Variants in AP1G1 observed in about 807,000 individuals in gnomAD.
The protein encoded by AP1G1 is adaptor related protein complex 1 subunit gamma 1, also known as AP-1 complex subunit gamma-1.
In AP1G1, 7 loss-of-function variants were observed where a neutral mutation model predicts 108.3. That is an observed-to-expected ratio of 0.06 (90% CI 0.04 to 0.12). The LOEUF (loss-of-function observed/expected upper bound fraction) is 0.12, where lower values mean the gene tolerates loss of function less well. Ranked by LOEUF, AP1G1 falls within the 10% of genes least tolerant of loss-of-function variation. The pLI is 1.00. For synonymous variants in AP1G1, 379 were observed against 353.5 expected (o/e 1.07, Z -0.81); for missense variants, 756 against 1,010.7 (o/e 0.75, Z 3.42).
intron 5 of AP1G1, 64 bp from the exon 6 acceptor site, chr16:71,769,763 C>G: frequency 7.4e-7 from 1 of 1,347,276 alleles, no homozygotes; most frequent in South Asian, 1.2e-5. Context: ...TAGAACAGGA[C>G]TTTGAGTTCC....
In AP1G1 at chr16:71,799,928, A is replaced by AAT. The variant is rs1567665357; in HGVS notation, c.-4+8834_-4+8835insAT. Among the ~76,000 whole-genome samples, 129 of 145,968 alleles carry AAT rather than the reference A, an allele frequency of 8.8e-4. 2 individuals carry two copies. Among genetic ancestry groups the AAT allele is most frequent in the South Asian group, 3.7e-3 (17 of 4,606 alleles). ...ATAATAATAATAATAATAATAATAA[A>AAT]AAATTATATTGGCTGGGTGCGGTGG... On this transcript the variant is annotated intron_variant, in intron 1 of 22. Coordinates refer to ENST00000299980, the MANE Select transcript of AP1G1 (RefSeq NM_001128.6).
At chr16:71,767,799 A>G (rs914093335) in intron 6 of AP1G1, 4 of 1,388,732 alleles carry the variant, frequency 2.9e-6, no homozygotes, top group Admixed American at 1.7e-5. Context: ...TTTAAAAGCC[A>G]CATTTGTGGA....
intron 1 of AP1G1, among the ~76,000 whole-genome samples, chr16:71,793,103 G>T (rs1190367831): frequency 6.6e-6 from 1 of 151,406 alleles, no homozygotes; most frequent in Admixed American, 6.6e-5. Flanking sequence ...TAGGAGTGAG[G>T]CTGCAGTGAG....
intron 13 of AP1G1, 112 bp from the exon 14 acceptor site, chr16:71,750,444 T>A: frequency 7.5e-7 from 1 of 1,324,522 alleles, no homozygotes; most frequent in Non-Finnish European, 1.0e-6. Flanking sequence ...AGACAGAGTC[T>A]CGCTCTGTCA....
rs575567889 is a variant in AP1G1, at chr16:71,791,040, G to C, written c.-3-1558C>G. On this transcript the variant is annotated intron_variant, in intron 1 of 22. Transcript: ENST00000299980. ...GTTCGAAACCAGCCTGGCCAACATT[G>C]CAAAACCCTGTCTCTACAAAAAATA... is the stretch of plus-strand genomic sequence containing the variant. Among the ~76,000 whole-genome samples, 3 of 152,086 alleles carry C rather than the reference G, an allele frequency of 2.0e-5. No homozygotes were observed. The East Asian group carries it at 5.8e-4, about 29-fold the overall frequency.
At position 71,773,211 on chromosome 16, in the gene AP1G1, TAA is replaced by T; in HGVS notation, c.468+8_468+9del. 2 of 1,612,666 alleles carry T rather than the reference TAA, an allele frequency of 1.2e-6. No homozygotes were observed. Among genetic ancestry groups the T allele is most frequent in the South Asian group, 2.2e-5 (2 of 90,910 alleles). On this transcript the variant is annotated splice_region_variant and intron_variant, in intron 4 of 22. Transcript: ENST00000299980. Reference sequence around the variant, plus strand: ...TAATCCAAACAGACATTTGGTTCATTAAAAGTTACCTTTTTTCTTAAGTAAGA... The same window carrying T: ...TAATCCAAACAGACATTTGGTTCATTAAGTTACCTTTTTTCTTAAGTAAGA...
rs532893950 is a variant in AP1G1 at position 71,805,947 on chromosome 16, G to A, written c.-4+2816C>T. On this transcript the variant is annotated intron_variant, in intron 1 of 22. Transcript: ENST00000299980. ...GAGGCAGGAGGATCGCTTGAGTCCA[G>A]GAGGTCCAGGCTGCAGTGAGCTGAG... 3.3e-4 allele frequency among the ~76,000 whole-genome samples: 50 copies of A among 152,048 alleles called. 1 individual carries two copies. The South Asian group carries it at 0.01, about 32-fold the overall frequency.
intron 1 of AP1G1, among the ~76,000 whole-genome samples, chr16:71,793,255 A>T (rs2032467766): frequency 6.6e-6 from 1 of 152,230 alleles, no homozygotes; most frequent in Admixed American, 6.5e-5. Context: ...TAATGAAACT[A>T]TACAGAACAT....
intron 13 of AP1G1, among the ~76,000 whole-genome samples, chr16:71,753,138 T>C (rs1427101484): frequency 1.3e-5 from 2 of 152,204 alleles, no homozygotes; most frequent in African/African-American, 2.4e-5. Flanking sequence ...TTAATGGAAA[T>C]GGTTTTCTTT....
chr16:71,746,437 GACAAA>G, intron 17 of AP1G1, 146 bp downstream of exon 17: 1 of 458,174 alleles, frequency 2.2e-6, no homozygotes, highest in South Asian at 5.8e-5. Context: ...ATAGAAGATG[GACAAA>G]ACAGAAGCAG....
intron 15 of AP1G1, among the ~76,000 whole-genome samples, chr16:71,749,429 A>G (rs1597044289): frequency 6.6e-6 from 1 of 151,884 alleles, no homozygotes; most frequent in East Asian, 2.0e-4. Context: ...GGCTGCAGTG[A>G]ATTGTGATCC....
At chr16:71,755,924 G>A (rs562008589) in intron 12 of AP1G1, 95 bp downstream of exon 12, 12 of 1,375,488 alleles carry the variant, frequency 8.7e-6, no homozygotes, top group South Asian at 8.5e-5. Flanking sequence ...GACTGCAGGC[G>A]TGTGCCACCG....
intron 21 of AP1G1, among the ~76,000 whole-genome samples, chr16:71,738,044 G>T (rs1444899953): frequency 6.6e-6 from 1 of 152,002 alleles, no homozygotes; most frequent in Non-Finnish European, 1.5e-5. Context: ...TCTTTATTTA[G>T]AACTCTTTGT....
intron 21 of AP1G1, among the ~76,000 whole-genome samples, chr16:71,735,057 C>T (rs1359367770): frequency 3.3e-5 from 5 of 152,132 alleles, no homozygotes; most frequent in African/African-American, 9.7e-5. Flanking sequence ...AGTAAAATAT[C>T]GGTGCTTTTG....
At chr16:71,769,735 G>T in intron 5 of AP1G1, 36 bp from the exon 6 acceptor site, 2 of 1,531,336 alleles carry the variant, frequency 1.3e-6, no homozygotes, top group Non-Finnish European at 1.8e-6. Flanking sequence ...TAAAAATGAG[G>T]CCTATTATTC....
At chr16:71,765,714 A>T in intron 6 of AP1G1, 130 bp from the exon 7 acceptor site, 3 of 669,502 alleles carry the variant, frequency 4.5e-6, no homozygotes, top group Non-Finnish European at 8.2e-6. Flanking sequence ...TTAATATACT[A>T]GTGTATTGTA....
At chr16:71,737,309 C>T (rs1356573911) in intron 21 of AP1G1, among the ~76,000 whole-genome samples, 1 of 151,912 alleles carries the variant, frequency 6.6e-6, no homozygotes, top group East Asian at 1.9e-4. Flanking sequence ...TTTTGGACAG[C>T]GTCTCACTCT....
In AP1G1 at chr16:71,807,895, C is replaced by G. The variant is rs755285101; in HGVS notation, c.-4+868G>C. On this transcript the variant is annotated intron_variant, in intron 1 of 22. Transcript: ENST00000299980. Reference sequence around the variant, plus strand: ...ATACCACACAAGTGTCAGTAAGCACCAAAAAGCTAAGTATTCAGCACAGGG... The same window carrying G: ...ATACCACACAAGTGTCAGTAAGCACGAAAAAGCTAAGTATTCAGCACAGGG... 13 of 1,284,346 alleles carry G rather than the reference C, an allele frequency of 1.0e-5. No homozygotes were observed. The South Asian group carries it at 1.1e-4, about 11-fold the overall frequency. 79.6% of individuals were successfully genotyped at this position (1,284,346 alleles called of 1,614,324 possible).
chr16:71,738,574 T>C (rs1035625839), intron 21 of AP1G1, among the ~76,000 whole-genome samples: 2 of 152,334 alleles, frequency 1.3e-5, no homozygotes, highest in East Asian at 3.9e-4. Context: ...AAGTCTCTCA[T>C]CTTACTTAAC....
Sources: allele counts gnomAD v4.1 joint callset (sites outside exome capture counted in the v4.1 genomes callset), GRCh38; gene constraint gnomAD v4.1.1; transcripts MANE v1.5; gene names NCBI Gene and HGNC (gene_info 2026-07-23, HGNC 2026-07-21).